TYW1B: variants seen among roughly 807,000 people sequenced by gnomAD.
The protein encoded by TYW1B is tRNA-yW synthesizing protein 1 homolog B, also known as S-adenosyl-L-methionine-dependent tRNA 4-demethylwyosine synthase TYW1B.
In TYW1B, 73 loss-of-function variants were observed where a neutral mutation model predicts 86.9. The ratio of observed to expected loss-of-function variants is 0.84; its 90% CI spans 0.70 to 1.02. The LOEUF is 1.02. TYW1B is among the 50% of genes least tolerant of loss of function. The pLI, the probability that TYW1B is intolerant of heterozygous loss-of-function variation, is 0.00. For missense variants in TYW1B, 637 were observed against 827.4 expected, an observed-to-expected ratio of 0.77 and a Z score of 2.82; for synonymous variants, 248 against 292.8, an observed-to-expected ratio of 0.85 and a Z score of 1.56.
chr7:72,750,619 C>T (rs1787483611), intron 7 of TYW1B, among the ~76,000 whole-genome samples: 1 of 152,064 alleles, frequency 6.6e-6, no homozygotes, highest in Non-Finnish European at 1.5e-5. Context: ...CAAATTTGGG[C>T]TACTTTCAAC....
At position 72,722,952 on chromosome 7, in the gene TYW1B, G is replaced by C; in HGVS notation, c.1192+5870C>G. The stretch of plus-strand genomic sequence containing the variant: ...ACACCCAGCGCTTCGACCTTTACCA[G>C]CAGGCCTCCCCACCAGATGCCCTGC... On this transcript the variant is annotated intron_variant, in intron 9 of 13. Transcript: ENST00000620995. The C allele has an allele frequency of 2.8e-6, 2 of 714,268 alleles. 1 individual carries two copies. Among genetic ancestry groups the C allele is most frequent in the South Asian group, 2.9e-5 (2 of 69,388 alleles). 44.2% of individuals were successfully genotyped at this position (714,268 alleles called of 1,614,324 possible).
At chr7:72,594,615 C>T (rs1286768125) in intron 13 of TYW1B, among the ~76,000 whole-genome samples, 2 of 152,052 alleles carry the variant, frequency 1.3e-5, no homozygotes, top group African/African-American at 4.8e-5. Flanking sequence ...CAAACTTTTC[C>T]AAAACACTGA....
At chr7:72,800,830 A>G (rs1554475469) in intron 6 of TYW1B, among the ~76,000 whole-genome samples, 1 of 151,972 alleles carries the variant, frequency 6.6e-6, no homozygotes, top group African/African-American at 2.4e-5. Flanking sequence ...GACTAGATCA[A>G]TCTAGATCTA....
chr7:72,669,462 T>A (rs1813542983), intron 11 of TYW1B, among the ~76,000 whole-genome samples: 1 of 152,032 alleles, frequency 6.6e-6, no homozygotes, highest in African/African-American at 2.4e-5. Context: ...CTGAACTAAT[T>A]TTATTAATAA....
chr7:72,657,345 C>A (rs1263258191), intron 11 of TYW1B, among the ~76,000 whole-genome samples: 1 of 152,024 alleles, frequency 6.6e-6, no homozygotes, highest in African/African-American at 2.4e-5. Flanking sequence ...ATGTGACATG[C>A]AGGACACCAT....
At chr7:72,720,788 G>A (rs1786881159) in intron 9 of TYW1B, among the ~76,000 whole-genome samples, 1 of 152,080 alleles carries the variant, frequency 6.6e-6, no homozygotes, top group South Asian at 2.1e-4. Flanking sequence ...TAGGGTACAT[G>A]TGAGCAATGT....
chr7:72,770,060 G>A (rs1421065326), intron 7 of TYW1B, among the ~76,000 whole-genome samples: 2 of 149,808 alleles, frequency 1.3e-5, no homozygotes, highest in Non-Finnish European at 3.0e-5. Context: ...GTGAGACAGC[G>A]AGACTCTGTC....
At chr7:72,731,990 T>C (rs1269541651) in intron 8 of TYW1B, among the ~76,000 whole-genome samples, 2 of 151,942 alleles carry the variant, frequency 1.3e-5, no homozygotes, top group African/African-American at 2.4e-5. Flanking sequence ...TAGCTATCCT[T>C]GTATAAGATA....
chr7:72,819,709 A>T (rs1435111279), intron 2 of TYW1B, among the ~76,000 whole-genome samples: 1 of 152,190 alleles, frequency 6.6e-6, no homozygotes, highest in Admixed American at 6.5e-5. Flanking sequence ...CTGGGATTAT[A>T]GGCGTGAGCC....
chr7:72,601,071 C>T (rs1227903921), intron 13 of TYW1B, among the ~76,000 whole-genome samples: 2 of 151,484 alleles, frequency 1.3e-5, no homozygotes, highest in African/African-American at 4.8e-5. Flanking sequence ...GCAGAAGAAT[C>T]GTTTGAACCC....
chr7:72,794,917 C>T (rs1423639902), intron 6 of TYW1B, among the ~76,000 whole-genome samples: 1 of 151,822 alleles, frequency 6.6e-6, no homozygotes, highest in East Asian at 1.9e-4. Context: ...ATCCCAGGCT[C>T]AAGCGATTCT....
At position 72,826,397 on chromosome 7, in the gene TYW1B, C is replaced by A. The variant is rs78844180; in HGVS notation, c.135+458G>T. On this transcript the variant is annotated intron_variant, in intron 2 of 13. Transcript: ENST00000620995. ...TCTGGTTGTATTCCTCAAATATTAG[C>A]CCCTTGGTATAATAAGGTCCTTTAA... Among the ~76,000 whole-genome samples, 1,226 of 152,236 alleles carry A rather than the reference C, an allele frequency of 8.1e-3. 54 individuals are homozygous for A. In the East Asian group the frequency reaches 0.11, roughly 14 times the overall value.
intron 10 of TYW1B, among the ~76,000 whole-genome samples, chr7:72,696,085 T>C (rs2129570314): frequency 6.6e-6 from 1 of 151,980 alleles, no homozygotes; most frequent in African/African-American, 2.4e-5. Flanking sequence ...GTAGCTGGGA[T>C]TACAGGTGTA....
At chr7:72,660,004 A>C (rs1237844112) in intron 11 of TYW1B, among the ~76,000 whole-genome samples, 5 of 152,060 alleles carry the variant, frequency 3.3e-5, no homozygotes, top group African/African-American at 9.7e-5. Context: ...GGCTTTGAGA[A>C]CCAAATGGTC....
Position 72,811,270 on chromosome 7 carries a change from C to CA in TYW1B, c.238-606dup, listed in dbSNP as rs1243709262. 5.0e-3 allele frequency among the ~76,000 whole-genome samples: 338 copies of CA among 67,732 alleles called. 1 individual carries two copies. Among genetic ancestry groups the CA allele is most frequent in the African/African-American group, 0.017 (297 of 17,664 alleles). The allele number at this position is 67,732 out of a possible 152,430, so 44.4% of individuals were successfully genotyped here. ...TGGGCGACAGAGCAAGACTCCATCTCAAAAAAAAAAAAAAAAGAAAGAAAG... is the reference window on the plus strand; with the variant it reads ...TGGGCGACAGAGCAAGACTCCATCTCAAAAAAAAAAAAAAAAAGAAAGAAAG... On this transcript the variant is annotated intron_variant, in intron 3 of 13. Transcript: ENST00000620995.
At chr7:72,779,964 C>T (rs1554471362) in intron 6 of TYW1B, among the ~76,000 whole-genome samples, 2 of 151,922 alleles carry the variant, frequency 1.3e-5, no homozygotes, top group East Asian at 1.9e-4. Flanking sequence ...ATTTTTGCTT[C>T]CAGTAATAGG....
At position 72,575,825 on chromosome 7, in the gene TYW1B, G is replaced by T; in HGVS notation, c.1786-106C>A. On this transcript the variant is annotated intron_variant, in intron 13 of 13. Transcript: ENST00000620995. The stretch of plus-strand genomic sequence containing the variant: ...AAGTCTGATCTTTTCTCCCTATCAC[G>T]CCAAGAAAACAAAAACAAAAACAAA... 4 of 1,502,202 alleles carry T rather than the reference G, an allele frequency of 2.7e-6. No homozygotes were observed. In the South Asian group the frequency reaches 5.4e-5, roughly 20 times the overall value. The allele number at this position is 1,502,202 out of a possible 1,614,324, so 93.1% of individuals were successfully genotyped here. A position where few individuals can be genotyped will look rare whatever the true frequency, so the allele number is the denominator to read the frequency against.
At chr7:72,624,406 C>G (rs1554438442) in intron 12 of TYW1B, among the ~76,000 whole-genome samples, 1 of 152,194 alleles carries the variant, frequency 6.6e-6, no homozygotes, top group Admixed American at 6.5e-5. Flanking sequence ...ATAAATACAT[C>G]TGAACATACA....
chr7:72,621,460 C>A (rs1353602014), intron 12 of TYW1B, among the ~76,000 whole-genome samples: 4 of 152,248 alleles, frequency 2.6e-5, no homozygotes, highest in African/African-American at 9.6e-5. Context: ...GCCATTCAAG[C>A]CCCTGTCTTT....
Sources: allele counts gnomAD v4.1 joint callset (sites outside exome capture counted in the v4.1 genomes callset), GRCh38; gene constraint gnomAD v4.1.1; transcripts MANE v1.5; gene names NCBI Gene and HGNC (gene_info 2026-07-23, HGNC 2026-07-21).